ITSN1: variants seen among roughly 807,000 people sequenced by gnomAD.
ITSN1 encodes intersectin 1.
Under a neutral mutation model 239.8 loss-of-function variants are expected in ITSN1, and 58 were observed. The ratio of observed to expected loss-of-function variants is 0.24; its 90% CI spans 0.20 to 0.30. The LOEUF is 0.30. Among genes scored for constraint, ITSN1 ranks in the 10% least tolerant of loss-of-function variants. ITSN1 has a pLI of 1.00. For missense variants in ITSN1, 1,558 were observed against 2,103.3 expected, an observed-to-expected ratio of 0.74 and a Z score of 5.07; for synonymous variants, 780 against 770.8, an observed-to-expected ratio of 1.01 and a Z score of -0.20.
At chr21:33,722,719 T>C in intron 4 of ITSN1, 68 bp downstream of exon 4, 2 of 1,420,210 alleles carry the variant, frequency 1.4e-6, no homozygotes, top group Admixed American at 2.6e-5. Context: ...TTTGTTCTAT[T>C]TGGTAATATG....
At chr21:33,664,169 C>A (rs978155536) in intron 1 of ITSN1, among the ~76,000 whole-genome samples, 2 of 152,138 alleles carry the variant, frequency 1.3e-5, no homozygotes, top group Non-Finnish European at 2.9e-5. Flanking sequence ...TTATTTGGCT[C>A]ACAATTCTGA....
chr21:33,672,040 T>C (rs970348238), intron 1 of ITSN1, among the ~76,000 whole-genome samples: 3 of 151,600 alleles, frequency 2.0e-5, no homozygotes, highest in African/African-American at 7.3e-5. Context: ...AGGTTGGGAG[T>C]TCAAGACCAG....
chr21:33,888,431 C>T lies in ITSN1; in HGVS notation c.*131C>T, dbSNP rs1986110194. ...AGGGATATGGGATGGCAAAGACAGGCCCCTCAAAGCTCCTAGGAATCATTC... is the reference window on the plus strand; with the variant it reads ...AGGGATATGGGATGGCAAAGACAGGTCCCTCAAAGCTCCTAGGAATCATTC... On this transcript the variant is annotated 3_prime_UTR_variant, in exon 40 of 40. Coordinates refer to ENST00000381318, the MANE Select transcript of ITSN1 (RefSeq NM_003024.3). 14 of 846,088 alleles carry T rather than the reference C, an allele frequency of 1.7e-5. No individual in the cohort carries two copies. The highest frequency in any genetic ancestry group is 1.6e-5 in the Non-Finnish European group (9 of 560,156). 52.4% of individuals were successfully genotyped at this position (846,088 alleles called of 1,614,324 possible).
At chr21:33,737,640 C>G (rs2066585880) in intron 5 of ITSN1, among the ~76,000 whole-genome samples, 1 of 152,096 alleles carries the variant, frequency 6.6e-6, no homozygotes, top group African/African-American at 2.4e-5. Flanking sequence ...GTAGCATGAT[C>G]TTGGCTCACT....
intron 36 of ITSN1, 33 bp from the exon 37 acceptor site, chr21:33,885,008 T>C: frequency 6.4e-7 from 1 of 1,572,650 alleles, no homozygotes; most frequent in Non-Finnish European, 8.8e-7. Flanking sequence ...CCTGAGTTTC[T>C]GTTTGGCAAC....
chr21:33,773,556 C>G (rs147104907), intron 12 of ITSN1, among the ~76,000 whole-genome samples: 1,565 of 152,256 alleles, frequency 0.01, 27 homozygotes, highest in African/African-American at 0.036. Flanking sequence ...GTAATCCCAG[C>G]ACTTTGGGAG....
intron 29 of ITSN1, among the ~76,000 whole-genome samples, chr21:33,856,311 T>G (rs1219184717): frequency 6.6e-6 from 1 of 152,138 alleles, no homozygotes; most frequent in African/African-American, 2.4e-5. Flanking sequence ...CTTAAAACAA[T>G]AAGAATTTAT....
intron 34 of ITSN1, among the ~76,000 whole-genome samples, chr21:33,881,821 A>G (rs1984965214): frequency 6.6e-6 from 1 of 151,886 alleles, no homozygotes; most frequent in Non-Finnish European, 1.5e-5. Flanking sequence ...TCTCTACAAA[A>G]GTTTTTTTCA....
chr21:33,875,625 T>C (rs538327172), intron 34 of ITSN1, 104 bp downstream of exon 34: 1 of 1,020,170 alleles, frequency 9.8e-7, no homozygotes, highest in African/African-American at 1.6e-5. Flanking sequence ...CCCCAGCCGA[T>C]AGCATCCTCA....
chr21:33,648,149 GGAA>G (rs990122899), intron 1 of ITSN1, among the ~76,000 whole-genome samples: 1 of 152,152 alleles, frequency 6.6e-6, no homozygotes, highest in Non-Finnish European at 1.5e-5. Flanking sequence ...TTTGCTTTTA[GGAA>G]GAAGAATGGA....
intron 18 of ITSN1, 21 bp from the exon 19 acceptor site, chr21:33,799,787 C>G: frequency 6.2e-7 from 1 of 1,611,590 alleles, no homozygotes; most frequent in Non-Finnish European, 8.5e-7. Context: ...TTTTGTCCCC[C>G]CCACCTTTTT....
At chr21:33,666,488 CG>C (rs2089941930) in intron 1 of ITSN1, among the ~76,000 whole-genome samples, 2 of 152,112 alleles carry the variant, frequency 1.3e-5, no homozygotes, top group East Asian at 1.9e-4. Flanking sequence ...TTCGACATGA[CG>C]TTTTTTCCAA....
chr21:33,848,113 A>C (rs2075040731), intron 29 of ITSN1, among the ~76,000 whole-genome samples: 1 of 152,210 alleles, frequency 6.6e-6, no homozygotes. Flanking sequence ...CGCCTCCTCG[A>C]CTGGACTTCC....
At chr21:33,763,229 C>CAAAAAAA (rs71322243) in intron 9 of ITSN1, among the ~76,000 whole-genome samples, 5 of 69,832 alleles carry the variant, frequency 7.2e-5, no homozygotes, top group Non-Finnish European at 7.9e-5. Flanking sequence ...GCCCCCCAAC[C>CAAAAAAA]AAAAAAAAAA....
At chr21:33,687,149 T>C (rs1387317989) in intron 1 of ITSN1, among the ~76,000 whole-genome samples, 2 of 151,810 alleles carry the variant, frequency 1.3e-5, no homozygotes, top group Non-Finnish European at 2.9e-5. Context: ...CTGGCCAAAA[T>C]GGTGAAACCC....
At chr21:33,784,469 C>T (rs1344388649) in intron 16 of ITSN1, among the ~76,000 whole-genome samples, 2 of 152,150 alleles carry the variant, frequency 1.3e-5, no homozygotes, top group African/African-American at 2.4e-5. Flanking sequence ...TGTCACTGCA[C>T]TCCTGCCTGG....
intron 5 of ITSN1, chr21:33,735,479 G>T (rs62227748): frequency 1.7e-5 from 6 of 352,202 alleles, no homozygotes; most frequent in East Asian, 6.1e-5. Context: ...TGCAGCTTCT[G>T]GGTTTTTTTT....
At chr21:33,875,147 G>C (rs372702667) in intron 33 of ITSN1, among the ~76,000 whole-genome samples, 2 of 152,154 alleles carry the variant, frequency 1.3e-5, no homozygotes, top group South Asian at 4.1e-4. Flanking sequence ...ACTGCTTCCC[G>C]CAATGCCACC....
At chr21:33,868,484 C>G (rs1171938411) in intron 33 of ITSN1, among the ~76,000 whole-genome samples, 28 of 152,230 alleles carry the variant, frequency 1.8e-4, no homozygotes, top group Non-Finnish European at 3.5e-4. Flanking sequence ...CTAAGGCCCG[C>G]TGAGAAATCG....
Sources: gnomAD v4.1 joint callset for allele counts (sites outside exome capture counted in the v4.1 genomes callset) on GRCh38, gnomAD v4.1.1 for gene constraint, MANE v1.5 for transcripts, NCBI Gene and HGNC (gene_info 2026-07-23, HGNC 2026-07-21) for gene names.